PITPNM3: variants seen among roughly 807,000 people sequenced by gnomAD.
PITPNM3 encodes PITPNM family member 3.
In PITPNM3, 26 loss-of-function variants were observed where a neutral mutation model predicts 102.0. That is an observed-to-expected ratio of 0.25 (90% CI 0.19 to 0.35). The LOEUF (loss-of-function observed/expected upper bound fraction) is 0.35, where lower values mean the gene tolerates loss of function less well. Ranked by LOEUF, PITPNM3 falls within the 10% of genes least tolerant of loss-of-function variation. The pLI, the probability that PITPNM3 is intolerant of heterozygous loss-of-function variation, is 1.00. For missense variants in PITPNM3, 1,083 were observed against 1,346.1 expected, an observed-to-expected ratio of 0.80 and a Z score of 3.06; for synonymous variants, 578 against 558.6, an observed-to-expected ratio of 1.03 and a Z score of -0.49.
intron 1 of PITPNM3, among the ~76,000 whole-genome samples, chr17:6,555,269 T>C (rs1188604839): frequency 3.9e-5 from 6 of 152,138 alleles, no homozygotes; most frequent in Non-Finnish European, 1.5e-5. Context: ...GGCACCTAAA[T>C]CTTACAGGCT....
Position 6,468,267 on chromosome 17 carries a change from G to A in PITPNM3, c.1848C>T (p.Pro616=), listed in dbSNP as rs747737646. The part of the protein sequence containing the change: ...LDPAALSPAN[P]REKWLRKRTQ... ...TCCGCTTACGAAGCCACTTCTCCCG[G>A]GGGTTGGCAGGACTCAGTGCTGCAG... The change falls in exon 14 of 20, where the codon CCC becomes CCT. Residue 616 remains proline, a synonymous_variant. Coordinates refer to ENST00000262483, the MANE Select transcript of PITPNM3 (RefSeq NM_031220.4). The surrounding 1 kb of genome is among the most constrained non-coding windows in gnomAD (Gnocchi z 5.2). The A allele has an allele frequency of 5.0e-6, 8 of 1,613,852 alleles. No homozygotes were observed. In the South Asian group the frequency reaches 8.8e-5, roughly 18 times the overall value.
At chr17:6,462,269 C>T (rs530771088) in intron 17 of PITPNM3, among the ~76,000 whole-genome samples, 33 of 152,252 alleles carry the variant, frequency 2.2e-4, no homozygotes, top group Admixed American at 1.6e-3. Flanking sequence ...TCCTGTACAT[C>T]GCAAATCTAA....
At chr17:6,514,017 T>G (rs932975875) in intron 3 of PITPNM3, among the ~76,000 whole-genome samples, 1 of 152,192 alleles carries the variant, frequency 6.6e-6, no homozygotes, top group African/African-American at 2.4e-5. Flanking sequence ...AACAATTCAA[T>G]GGATGAGAGA....
At chr17:6,473,032 C>T (rs1188415814) in intron 10 of PITPNM3, among the ~76,000 whole-genome samples, 3 of 152,296 alleles carry the variant, frequency 2.0e-5, no homozygotes, top group Middle Eastern at 6.8e-3. Context: ...GCACTGCAGC[C>T]GTGCTGCACA....
At chr17:6,495,604 G>T (rs1290756180) in intron 4 of PITPNM3, among the ~76,000 whole-genome samples, 1 of 152,170 alleles carries the variant, frequency 6.6e-6, no homozygotes, top group Non-Finnish European at 1.5e-5. Flanking sequence ...GGACCACCAG[G>T]CTGGGTTCTG....
intron 4 of PITPNM3, among the ~76,000 whole-genome samples, chr17:6,488,854 C>T (rs1221298376): frequency 6.6e-6 from 1 of 152,180 alleles, no homozygotes; most frequent in African/African-American, 2.4e-5. Flanking sequence ...TTTCTGTTTG[C>T]ATGTCCCTAT....
At chr17:6,554,735 T>G (rs542160785) in intron 1 of PITPNM3, among the ~76,000 whole-genome samples, 1 of 133,764 alleles carries the variant, frequency 7.5e-6, no homozygotes, top group South Asian at 2.1e-4. Flanking sequence ...CCAATAGACC[T>G]GGCTGTGAGT....
chr17:6,463,940 C>G (rs1238071125), intron 16 of PITPNM3, 59 bp from the exon 17 acceptor site: 6 of 1,602,568 alleles, frequency 3.7e-6, no homozygotes, highest in Non-Finnish European at 5.1e-6. Flanking sequence ...AGCCGGAATC[C>G]AGAGGTCAGC....
intron 2 of PITPNM3, among the ~76,000 whole-genome samples, chr17:6,536,006 G>T (rs1158903602): frequency 6.6e-6 from 1 of 151,152 alleles, no homozygotes; most frequent in African/African-American, 2.4e-5. Context: ...AGAGGTTGTA[G>T]TGAGCCAAGA....
At chr17:6,507,896 C>T (rs1006387746) in intron 3 of PITPNM3, among the ~76,000 whole-genome samples, 2 of 152,016 alleles carry the variant, frequency 1.3e-5, no homozygotes, top group Non-Finnish European at 2.9e-5. Context: ...GTAAATATGA[C>T]TTAGCCTGGG....
chr17:6,511,530 T>C (rs1907862673), intron 3 of PITPNM3, among the ~76,000 whole-genome samples: 1 of 152,106 alleles, frequency 6.6e-6, no homozygotes, highest in Non-Finnish European at 1.5e-5. Context: ...CAGTGTAAAA[T>C]GAAAATGTGG....
Position 6,455,603 on chromosome 17 carries a change from T to G in PITPNM3, c.2660A>C (p.Glu887Ala). Residue 887 changes from glutamate to alanine, a missense_variant, in exon 20 of 20, where the codon GAG becomes GCG. Transcript: ENST00000262483. ...CTTTGGGCGTGAGCGGTGGCTGGCC[T>G]CCAGCGCGGCCAGGTGTGCGGCGTA... ...EGYAAHLAAL[E>A]ASHRSRPKKN... The G allele has an allele frequency of 6.3e-7, 1 of 1,580,568 alleles. No individual in the cohort carries two copies. The highest frequency in any genetic ancestry group is 8.5e-7 in the Non-Finnish European group (1 of 1,173,036).
At chr17:6,460,101 C>G (rs73975505) in intron 18 of PITPNM3, among the ~76,000 whole-genome samples, 7,358 of 152,210 alleles carry the variant, frequency 0.048, 475 homozygotes, top group African/African-American at 0.15. Flanking sequence ...ATGATCTTGG[C>G]CTGGTTTCCA....
chr17:6,482,046 C>CTCTCTCTCTCTCTGTCTG (rs1905763806), intron 6 of PITPNM3, among the ~76,000 whole-genome samples: 1 of 92,144 alleles, frequency 1.1e-5, no homozygotes, highest in Admixed American at 1.3e-4. Flanking sequence ...GTCTGTCTCT[C>CTCTCTCTCTCTCTGTCTG]TCTCTCTCTC....
At chr17:6,495,380 TC>T in intron 4 of PITPNM3, among the ~76,000 whole-genome samples, 1 of 152,226 alleles carries the variant, frequency 6.6e-6, no homozygotes, top group African/African-American at 2.4e-5. Context: ...TTCCAAAAGC[TC>T]TTTTGTTCCC....
intron 4 of PITPNM3, 118 bp from the exon 5 acceptor site, chr17:6,484,410 G>GAC: frequency 9.7e-7 from 1 of 1,029,612 alleles, no homozygotes; most frequent in Non-Finnish European, 1.5e-6. Flanking sequence ...GTGAGCTCAA[G>GAC]TTAGAGTCTG....
At position 6,464,702 on chromosome 17, in the gene PITPNM3, G is replaced by T; in HGVS notation, c.1960C>A (p.Arg654=). 2 of 1,614,172 alleles carry T rather than the reference G, an allele frequency of 1.2e-6. No homozygotes were observed. The highest frequency in any genetic ancestry group is 2.2e-5 in the East Asian group (1 of 44,888). The change falls in exon 15 of 20, where the codon CGG becomes AGG. Residue 654 remains arginine (R), a synonymous_variant. Transcript: ENST00000262483. ...ATGTCGAGGGGCCCGTACATGAACC[G>T]CCCCACCAGGACCTGGGGGCCATCT... The part of the protein sequence containing the change: ...AEDGPQVLVG[R]FMYGPLDMVA...
In PITPNM3 at chr17:6,520,788, A is replaced by T. The variant is rs191395146; in HGVS notation, c.226+4568T>A. 1.5e-4 allele frequency among the ~76,000 whole-genome samples: 23 copies of T among 152,346 alleles called. No homozygotes were observed. In the East Asian group the frequency reaches 4.2e-3, roughly 28 times the overall value. ...AAAATGTGGTATATCCATACAAGGG[A>T]AAGTTACTCAGCCCCCAAAATGGAA... On this transcript the variant is annotated intron_variant, in intron 3 of 19. Coordinates refer to ENST00000262483, the MANE Select transcript of PITPNM3 (RefSeq NM_031220.4).
rs141376577 is a variant in PITPNM3 at position 6,537,100 on chromosome 17, A to G, written c.118+887T>C. ...TGGATGCCCCTTTCTTTCAATCCCAACGTCAACAATGCTCCTTCCTATGTC... is the reference window on the plus strand; with the variant it reads ...TGGATGCCCCTTTCTTTCAATCCCAGCGTCAACAATGCTCCTTCCTATGTC... On this transcript the variant is annotated intron_variant, in intron 2 of 19. Coordinates refer to ENST00000262483, the MANE Select transcript of PITPNM3 (RefSeq NM_031220.4). The surrounding 1 kb of genome is among the most constrained non-coding windows in gnomAD (Gnocchi z 4.4). 2.6e-5 allele frequency among the ~76,000 whole-genome samples: 4 copies of G among 152,000 alleles called. No homozygotes were observed. Among genetic ancestry groups the G allele is most frequent in the Non-Finnish European group, 4.4e-5 (3 of 67,954 alleles).
Sources: gnomAD v4.1 joint callset for allele counts (sites outside exome capture counted in the v4.1 genomes callset) on GRCh38, gnomAD v4.1.1 for gene constraint, Gnocchi (gnomAD v3.1) non-coding constraint, MANE v1.5 for transcripts, NCBI Gene and HGNC (gene_info 2026-07-23, HGNC 2026-07-21) for gene names.